Variants in FLT3 observed in about 807,000 individuals in gnomAD.
FLT3 encodes receptor-type tyrosine-protein kinase FLT3.
A neutral mutation model predicts 126.6 loss-of-function variants in FLT3; 46 were observed. That is an observed-to-expected ratio of 0.36 (90% CI 0.29 to 0.46). The LOEUF is 0.46. Ranked by LOEUF, FLT3 falls within the 20% of genes least tolerant of loss-of-function variation. The probability of loss-of-function intolerance (pLI) is 1.00; values close to 1 mark genes in which losing one functional copy is unlikely to be tolerated. For synonymous variants in FLT3, 404 were observed against 434.4 expected (o/e 0.93, Z 0.87); for missense variants, 1,069 against 1,190.3 (o/e 0.90, Z 1.50).
At chr13:28,078,404 T>C (rs1046655521) in intron 1 of FLT3, among the ~76,000 whole-genome samples, 2 of 152,224 alleles carry the variant, frequency 1.3e-5, no homozygotes, top group African/African-American at 4.8e-5. Flanking sequence ...CTGCCAAGGC[T>C]TGTAGCTTCC....
intron 10 of FLT3, 31 bp from the exon 11 acceptor site, chr13:28,036,074 C>A (rs1873815036): frequency 6.4e-7 from 1 of 1,568,874 alleles, no homozygotes; most frequent in Non-Finnish European, 8.8e-7. Flanking sequence ...AATAAGCTCA[C>A]TGGCTGGGCA....
intron 22 of FLT3, 99 bp from the exon 23 acceptor site, chr13:28,014,656 T>G: frequency 2.5e-6 from 2 of 792,520 alleles, no homozygotes; most frequent in Non-Finnish European, 4.1e-6. Context: ...CCTCTGGAGC[T>G]GCTTATTTAC....
chr13:28,078,556 G>C (rs1878111104), intron 1 of FLT3, among the ~76,000 whole-genome samples: 1 of 152,008 alleles, frequency 6.6e-6, no homozygotes, highest in Non-Finnish European at 1.5e-5. Context: ...TTTTCTCCTG[G>C]GCCTCTGGGC....
rs994843718 is a variant in FLT3, at chr13:28,058,505, T to C, written c.369-1043A>G. Reference sequence around the variant, plus strand: ...CCAGCCTGGGCAACAAGATTGAAACTCCATCTCAAAAAATAAAATAAAATA... The same window carrying C: ...CCAGCCTGGGCAACAAGATTGAAACCCCATCTCAAAAAATAAAATAAAATA... On this transcript the variant is annotated intron_variant, in intron 3 of 23. Coordinates refer to ENST00000241453, the MANE Select transcript of FLT3 (RefSeq NM_004119.3). Among the ~76,000 whole-genome samples the C allele has an allele frequency of 5.3e-5, 8 of 152,182 alleles. 1 individual carries two copies. Among genetic ancestry groups the C allele is most frequent in the South Asian group, 4.1e-4 (2 of 4,830 alleles).
intron 1 of FLT3, among the ~76,000 whole-genome samples, chr13:28,072,171 T>G (rs545070286): frequency 1.7e-4 from 25 of 150,670 alleles, no homozygotes; most frequent in African/African-American, 5.8e-4. Flanking sequence ...ATATATAATG[T>G]GTGTATGTAT....
intron 1 of FLT3, among the ~76,000 whole-genome samples, chr13:28,084,948 C>A (rs1379761791): frequency 2.7e-5 from 4 of 145,686 alleles, no homozygotes; most frequent in African/African-American, 7.7e-5. Flanking sequence ...GCACTCCAGC[C>A]TGGGCGACAG....
intron 4 of FLT3, among the ~76,000 whole-genome samples, chr13:28,055,504 C>T (rs1222856266): frequency 2.0e-5 from 3 of 152,168 alleles, no homozygotes; most frequent in African/African-American, 7.2e-5. Flanking sequence ...TTCAAATTTA[C>T]TTTTTTGGCA....
At position 28,036,747 on chromosome 13, in the gene FLT3, G is replaced by A. The variant is rs192250867; in HGVS notation, c.1309+438C>T. On this transcript the variant is annotated intron_variant, in intron 10 of 23. Transcript: ENST00000241453. ...AATCCTAGCACTTTGGGAGGCCAAGGTATGAGGATCCCTTAAGGCCAGGAG... is the reference window on the plus strand; with the variant it reads ...AATCCTAGCACTTTGGGAGGCCAAGATATGAGGATCCCTTAAGGCCAGGAG... 3.3e-3 allele frequency among the ~76,000 whole-genome samples: 498 copies of A among 152,340 alleles called. 12 individuals are homozygous for A. The highest frequency in any genetic ancestry group is 9.3e-3 in the East Asian group (48 of 5,188).
chr13:28,061,083 C>T (rs1593275427), intron 3 of FLT3, among the ~76,000 whole-genome samples: 1 of 151,666 alleles, frequency 6.6e-6, no homozygotes, highest in African/African-American at 2.4e-5. Flanking sequence ...GGGCCGGGCA[C>T]GGTGGCTCAT....
chr13:28,034,459 TATAA>T, intron 12 of FLT3, 52 bp from the exon 13 acceptor site: 1 of 1,284,058 alleles, frequency 7.8e-7, no homozygotes, highest in Non-Finnish European at 1.1e-6. Context: ...TGTGTGACAT[TATAA>T]ATAGTGGACA....
intron 1 of FLT3, among the ~76,000 whole-genome samples, chr13:28,094,320 T>C (rs1879308589): frequency 6.6e-6 from 1 of 152,180 alleles, no homozygotes; most frequent in South Asian, 2.1e-4. Flanking sequence ...TGCTTTAGCA[T>C]AGACTGTAAA....
At chr13:28,080,166 A>C (rs1408159587) in intron 1 of FLT3, among the ~76,000 whole-genome samples, 1 of 152,218 alleles carries the variant, frequency 6.6e-6, no homozygotes, top group Non-Finnish European at 1.5e-5. Context: ...ACCTGAGGTC[A>C]GGAGTTCGAG....
intron 18 of FLT3, among the ~76,000 whole-genome samples, chr13:28,024,601 T>C (rs1429507236): frequency 6.6e-6 from 1 of 152,232 alleles, no homozygotes; most frequent in Non-Finnish European, 1.5e-5. Context: ...TCATTATCTC[T>C]TCCACTTGTC....
At chr13:28,078,682 A>G (rs1009291426) in intron 1 of FLT3, among the ~76,000 whole-genome samples, 1 of 151,394 alleles carries the variant, frequency 6.6e-6, no homozygotes, top group Admixed American at 6.6e-5. Flanking sequence ...TGCAGCAGCT[A>G]GAATTTCTCC....
intron 23 of FLT3, among the ~76,000 whole-genome samples, chr13:28,012,285 A>G (rs1185186073): frequency 6.6e-6 from 1 of 152,130 alleles, no homozygotes; most frequent in Non-Finnish European, 1.5e-5. Context: ...ACGGTTCCTG[A>G]TACCTGACAG....
chr13:28,062,743 C>CAAGAAAAAAAAAA (rs1876682516), intron 2 of FLT3, among the ~76,000 whole-genome samples: 1 of 89,996 alleles, frequency 1.1e-5, no homozygotes, highest in Non-Finnish European at 2.0e-5. Flanking sequence ...AACTCTGTCT[C>CAAGAAAAAAAAAA]AAAAAAAAAA....
intron 2 of FLT3, among the ~76,000 whole-genome samples, chr13:28,069,741 C>G (rs9579151): frequency 0.17 from 26,546 of 152,050 alleles, 2,372 homozygotes; most frequent in Middle Eastern, 0.25. Flanking sequence ...GGTATAATAA[C>G]TATTCACATA....
intron 9 of FLT3, among the ~76,000 whole-genome samples, chr13:28,043,256 G>A (rs1263211559): frequency 5.9e-5 from 9 of 151,944 alleles, no homozygotes; most frequent in Admixed American, 5.9e-4. Flanking sequence ...TAAGTCTGTA[G>A]AGATAGGAAA....
chr13:28,079,446 G>C (rs1261583238), intron 1 of FLT3, among the ~76,000 whole-genome samples: 1 of 152,074 alleles, frequency 6.6e-6, no homozygotes, highest in African/African-American at 2.4e-5. Flanking sequence ...CTGTTACCCA[G>C]TTCCAAAGAC....
Sources: gnomAD v4.1 joint callset for allele counts (sites outside exome capture counted in the v4.1 genomes callset) on GRCh38, gnomAD v4.1.1 for gene constraint, MANE v1.5 for transcripts, NCBI Gene and HGNC (gene_info 2026-07-23, HGNC 2026-07-21) for gene names.